CHD4: variants seen among roughly 807,000 people sequenced by gnomAD.
The protein encoded by CHD4 is chromodomain helicase DNA binding protein 4.
A neutral mutation model predicts 235.5 loss-of-function variants in CHD4; 35 were observed. The observed-to-expected ratio is 0.15, with a 90% CI of 0.11 to 0.20. The LOEUF (loss-of-function observed/expected upper bound fraction) is 0.20. Ranked by LOEUF, CHD4 falls within the 10% of genes least tolerant of loss-of-function variation. The pLI is 1.00. For missense variants in CHD4, 1,329 were observed against 2,432.3 expected (o/e 0.55, Z 9.54); for synonymous variants, 900 against 850.2 (o/e 1.06, Z -1.02).
At chr12:6,606,596 C>A (rs1041860366) in intron 1 of CHD4, 145 bp from the exon 2 acceptor site, 8 of 426,366 alleles carry the variant, frequency 1.9e-5, no homozygotes, top group African/African-American at 1.0e-4. Context: ...GTTCCACACT[C>A]CTCGGGGGCA....
chr12:6,581,283 T>C lies in CHD4; in HGVS notation c.4779+8A>G. The C allele has an allele frequency of 1.2e-6, 2 of 1,614,104 alleles. No homozygotes were observed. The highest frequency in any genetic ancestry group is 1.7e-5 in the Admixed American group (1 of 60,022). ...TTTAGTATGGCATTCAGTCACCCCA[T>C]CTCTTACCTCAATGGCAGTCTCAGG... On this transcript the variant is annotated splice_region_variant and intron_variant, in intron 32 of 39. Transcript: ENST00000544040.
chr12:6,602,294 C>T (rs957962367), intron 3 of CHD4, 82 bp downstream of exon 3: 28 of 1,602,472 alleles, frequency 1.7e-5, no homozygotes, highest in African/African-American at 2.7e-5. Flanking sequence ...GAGAAAGAAA[C>T]AAATGCCCTC....
intron 9 of CHD4, 53 bp downstream of exon 9, chr12:6,600,164 G>A: frequency 1.9e-6 from 3 of 1,600,732 alleles, no homozygotes; most frequent in Non-Finnish European, 2.6e-6. Context: ...GAGCTTTACT[G>A]TCCCACCCTT....
rs985357229 is a variant in CHD4, at chr12:6,592,374, T to G, written c.2948+19A>C. ...GGCAGATGTCTAAATGGAGTCTGCT[T>G]CTGTCCCTCCCAACTCACTTCTGCA... is the stretch of plus-strand genomic sequence containing the variant. On this transcript the variant is annotated intron_variant, in intron 19 of 39. Transcript: ENST00000544040. 46 of 1,564,780 alleles carry G rather than the reference T, an allele frequency of 2.9e-5. No homozygotes were observed. Among genetic ancestry groups the G allele is most frequent in the Non-Finnish European group, 3.7e-5 (43 of 1,155,550 alleles).
intron 37 of CHD4, among the ~76,000 whole-genome samples, chr12:6,575,828 A>G (rs1021988297): frequency 3.3e-5 from 5 of 152,170 alleles, no homozygotes; most frequent in African/African-American, 1.2e-4. Context: ...ACCATCACCC[A>G]ACACAAATGT....
intron 25 of CHD4, chr12:6,583,654 A>ACC (rs1165607280): frequency 2.7e-6 from 1 of 375,866 alleles, no homozygotes; most frequent in Non-Finnish European, 4.7e-6. Context: ...CTTTCTTCTA[A>ACC]CCCCTTGCAC....
At chr12:6,587,622 A>T in intron 24 of CHD4, 63 bp from the exon 25 acceptor site, 1 of 1,607,862 alleles carries the variant, frequency 6.2e-7, no homozygotes, top group South Asian at 1.1e-5. Context: ...GGAAAAAGCA[A>T]GTCCCACAAG....
At chr12:6,578,231 A>T in intron 35 of CHD4, 94 bp from the exon 36 acceptor site, 5 of 1,346,250 alleles carry the variant, frequency 3.7e-6, no homozygotes, top group Non-Finnish European at 5.3e-6. Context: ...ACCATCCCCT[A>T]CCCCTGGATC....
intron 33 of CHD4, chr12:6,580,711 A>AAAAAAAACAAAAC: frequency 4.8e-6 from 1 of 209,812 alleles, no homozygotes; most frequent in Non-Finnish European, 9.0e-6. Context: ...TTTGAAAAAA[A>AAAAAAAACAAAAC]AAAAAAAAAA....
In CHD4 at chr12:6,594,598, G is replaced by T; in HGVS notation, c.2174C>A (p.Thr725Asn). The T allele has an allele frequency of 6.2e-7, 1 of 1,614,086 alleles. No homozygotes were observed. The highest frequency in any genetic ancestry group is 8.5e-7 in the Non-Finnish European group (1 of 1,180,000). Residue 725 changes from threonine to asparagine, a missense_variant, in exon 15 of 40, where the codon ACC (threonine) becomes AAC (asparagine). Thr to Asn is a moderately conservative substitution (Grantham distance 65, BLOSUM62 0). Around this residue, in one of 26 missense-constraint regions of CHD4, gnomAD observed 6 missense variants for 52.6 expected, o/e 0.11. Transcript: ENST00000544040. ...QPEYLDATGG[T>N]LHPYQMEGLN... The stretch of plus-strand genomic sequence containing the variant: ...GCCCTCCATTTGATAGGGGTGCAGG[G>T]TTCCACCTGTAGCATCCAGGTACTC...
chr12:6,596,338 TCA>T (rs1299234770), intron 12 of CHD4, among the ~76,000 whole-genome samples: 2 of 152,124 alleles, frequency 1.3e-5, no homozygotes, highest in Non-Finnish European at 2.9e-5. Context: ...ACACCAGAAT[TCA>T]GTCAGTTAAT....
chr12:6,601,770 C>T lies in CHD4; in HGVS notation c.439-4G>A. On this transcript the variant is annotated splice_polypyrimidine_tract_variant and splice_region_variant and intron_variant, in intron 4 of 39. Transcript: ENST00000544040. ...GCTGAGCAGATGATTTAGGCTCCTG[C>T]AGAAAGAGCAAAGTCAAGTAAGTAC... 2 of 1,612,656 alleles carry T rather than the reference C, an allele frequency of 1.2e-6. No homozygotes were observed. Among genetic ancestry groups the T allele is most frequent in the South Asian group, 2.2e-5 (2 of 91,034 alleles).
chr12:6,580,920 T>C lies in CHD4; in HGVS notation c.4909+124A>G, dbSNP rs945394937. The C allele has an allele frequency of 3.0e-6, 3 of 1,016,240 alleles. No homozygotes were observed. In the African/African-American group the frequency reaches 4.8e-5, roughly 16 times the overall value. 63.0% of individuals were successfully genotyped at this position (1,016,240 alleles called of 1,614,324 possible). Reference sequence around the variant, plus strand: ...TCCTCGGGAGGGTGAGGCAGGAGAATCGCTCGAACCTGGGAGGTGGAGGTT... The same window carrying C: ...TCCTCGGGAGGGTGAGGCAGGAGAACCGCTCGAACCTGGGAGGTGGAGGTT... On this transcript the variant is annotated intron_variant, in intron 33 of 39. Transcript: ENST00000544040.
rs1488675375 is a variant in CHD4 at position 6,601,058 on chromosome 12, A to AC, written c.800-6_800-5insG. The AC allele has an allele frequency of 6.4e-7, 1 of 1,563,660 alleles. No individual in the cohort carries two copies. Among genetic ancestry groups the AC allele is most frequent in the East Asian group, 2.2e-5 (1 of 44,558 alleles). Reference sequence around the variant, plus strand: ...GCTTCCTCCGAGCATTGGGACCTAAAATCAGGATATATCCAAATATATACC... The same window carrying AC: ...GCTTCCTCCGAGCATTGGGACCTAAACATCAGGATATATCCAAATATATACC... On this transcript the variant is annotated splice_polypyrimidine_tract_variant and splice_region_variant and intron_variant, in intron 6 of 39. Transcript: ENST00000544040.
In CHD4 at chr12:6,578,492, G is replaced by A; in HGVS notation, c.5036C>T (p.Thr1679Ile). Residue 1679 changes from threonine (T) to isoleucine (I), a missense_variant, in exon 35 of 40, where the codon ACC becomes ATC. Around this residue, in one of 26 missense-constraint regions of CHD4, gnomAD observed 219 missense variants for 219.3 expected, o/e 1.00. Transcript: ENST00000544040. The part of the protein sequence containing the change: ...KKEVMLQNGE[T>I]PKDLNDEKQK... Reference sequence around the variant, plus strand: ...TTTCTCATCATTCAGGTCCTTGGGGGTCTCTCCATTCTGAAGCATCACCTC... The same window carrying A: ...TTTCTCATCATTCAGGTCCTTGGGGATCTCTCCATTCTGAAGCATCACCTC... 1.9e-6 allele frequency: 3 copies of A among 1,613,608 alleles called. No individual in the cohort carries two copies. The highest frequency in any genetic ancestry group is 1.6e-4 in the Middle Eastern group (1 of 6,062).
At chr12:6,594,370 T>A in intron 15 of CHD4, 89 bp downstream of exon 15, 1 of 1,285,864 alleles carries the variant, frequency 7.8e-7, no homozygotes, top group Non-Finnish European at 1.1e-6. Context: ...GACCAATTTT[T>A]TTATTCCCTT....
rs552109507 is a variant in CHD4, at chr12:6,604,586, T to A, written c.100+1688A>T. Among the ~76,000 whole-genome samples, 4 of 150,562 alleles carry A rather than the reference T, an allele frequency of 2.7e-5. No homozygotes were observed. The South Asian group carries it at 8.4e-4, about 32-fold the overall frequency. On this transcript the variant is annotated intron_variant, in intron 2 of 39. Transcript: ENST00000544040. ...AAGTCAACCCCCAACCCCCATCAGC[T>A]ACATCTCACCACCCCCATAAAAGCT...
chr12:6,597,518 C>A (rs527489005), intron 12 of CHD4, among the ~76,000 whole-genome samples: 1 of 152,082 alleles, frequency 6.6e-6, no homozygotes, highest in African/African-American at 2.4e-5. Context: ...AATCCTAGCA[C>A]TTAGGGAGGC....
At chr12:6,601,214 C>T in intron 6 of CHD4, 75 bp downstream of exon 6, 1 of 1,573,712 alleles carries the variant, frequency 6.4e-7, no homozygotes, top group South Asian at 1.2e-5. Flanking sequence ...GGCTGACAGA[C>T]CAGCATTCCC....
Sources: gnomAD v4.1 joint callset for allele counts (sites outside exome capture counted in the v4.1 genomes callset) on GRCh38, gnomAD v4.1.1 for gene constraint, gnomAD v4.1.1 regional missense constraint, MANE v1.5 for transcripts, NCBI Gene and HGNC (gene_info 2026-07-23, HGNC 2026-07-21) for gene names.